The following AGBL3 variants were observed in gnomAD, a reference collection of about 807,000 sequenced individuals.
The protein encoded by AGBL3 is cytosolic carboxypeptidase 3.
In AGBL3, 68 loss-of-function variants were observed where a neutral mutation model predicts 94.5. The ratio of observed to expected loss-of-function variants is 0.72; its 90% CI spans 0.59 to 0.88. AGBL3 has a LOEUF of 0.88. Among genes scored for constraint, AGBL3 ranks in the 40% least tolerant of loss-of-function variants. AGBL3 has a pLI of 0.00. For synonymous variants in AGBL3, 354 were observed against 370.7 expected (o/e 0.95, Z 0.52); for missense variants, 934 against 1,103.8 (o/e 0.85, Z 2.18).
At chr7:135,027,496 A>G (rs1815278502) in intron 5 of AGBL3, among the ~76,000 whole-genome samples, 1 of 151,564 alleles carries the variant, frequency 6.6e-6, no homozygotes, top group Admixed American at 6.6e-5. Flanking sequence ...TGTAGATCTG[A>G]ATTTCCATCT....
intron 16 of AGBL3, among the ~76,000 whole-genome samples, chr7:135,122,966 A>G (rs913176979): frequency 6.6e-6 from 1 of 152,112 alleles, no homozygotes; most frequent in Admixed American, 6.5e-5. Flanking sequence ...CTGAAAACCC[A>G]AAAGGCCAGA....
chr7:135,132,865 T>G (rs559624183), intron 16 of AGBL3, among the ~76,000 whole-genome samples: 1 of 152,316 alleles, frequency 6.6e-6, no homozygotes, highest in South Asian at 2.1e-4. Context: ...GGGTATGTTT[T>G]TATTAGCAGC....
chr7:135,059,806 A>C (rs1300624807), intron 12 of AGBL3, among the ~76,000 whole-genome samples: 1 of 152,224 alleles, frequency 6.6e-6, no homozygotes, highest in African/African-American at 2.4e-5. Context: ...GTGAAAGATA[A>C]ATACTTAAGT....
chr7:135,053,876 A>T (rs991077416), intron 11 of AGBL3, among the ~76,000 whole-genome samples: 10 of 152,358 alleles, frequency 6.6e-5, no homozygotes, highest in African/African-American at 2.4e-4. Context: ...AAGAATAAGT[A>T]TATATTAAAT....
At chr7:135,033,053 G>A in intron 6 of AGBL3, 71 bp downstream of exon 6, 1 of 1,381,216 alleles carries the variant, frequency 7.2e-7, no homozygotes, top group East Asian at 2.6e-5. Context: ...GTACATTAAA[G>A]TTCTTAGTAT....
At chr7:135,004,198 T>C (rs1239118409) in intron 4 of AGBL3, among the ~76,000 whole-genome samples, 3 of 151,744 alleles carry the variant, frequency 2.0e-5, no homozygotes, top group African/African-American at 7.2e-5. Flanking sequence ...AGAGGGATTA[T>C]GATATTCTTC....
chr7:135,010,022 C>CT (rs34139471), intron 4 of AGBL3: 19,311 of 381,116 alleles, frequency 0.051, 182 homozygotes, highest in African/African-American at 0.1. Flanking sequence ...GAGGATGACA[C>CT]TTTTTTTTTT....
intron 16 of AGBL3, among the ~76,000 whole-genome samples, chr7:135,122,724 C>T (rs1453656589): frequency 3.3e-5 from 5 of 152,126 alleles, no homozygotes; most frequent in Non-Finnish European, 5.9e-5. Flanking sequence ...TGAGTGACAT[C>T]TCCAGGCCCA....
chr7:135,129,187 T>C (rs1585285827), intron 16 of AGBL3: 3 of 1,425,786 alleles, frequency 2.1e-6, no homozygotes, highest in Non-Finnish European at 3.0e-6. Flanking sequence ...GCAGATGTGG[T>C]GTACTGCCCC....
chr7:135,048,747 A>G (rs1373266457), intron 11 of AGBL3, among the ~76,000 whole-genome samples: 1 of 120,078 alleles, frequency 8.3e-6, no homozygotes, highest in Non-Finnish European at 1.8e-5. Flanking sequence ...ATTAGTTCTC[A>G]CAGTTGTTTT....
chr7:135,102,077 T>G (rs1421102419), intron 15 of AGBL3, among the ~76,000 whole-genome samples: 2 of 152,324 alleles, frequency 1.3e-5, no homozygotes, highest in East Asian at 3.9e-4. Flanking sequence ...ATTAAACCTC[T>G]TTTCCTTTAT....
intron 1 of AGBL3, 78 bp downstream of exon 1, chr7:134,986,779 T>A (rs1383451923): frequency 2.6e-5 from 4 of 152,236 alleles, no homozygotes; most frequent in African/African-American, 9.6e-5. Context: ...CACACCAAGG[T>A]GTCCAGGAGT....
chr7:135,017,243 T>C, intron 5 of AGBL3, 84 bp downstream of exon 5: 3 of 1,036,314 alleles, frequency 2.9e-6, no homozygotes, highest in African/African-American at 1.6e-5. Context: ...TTGCTGTTTG[T>C]AGTGGAAATT....
intron 12 of AGBL3, among the ~76,000 whole-genome samples, chr7:135,062,694 T>G (rs968221774): frequency 2.6e-5 from 4 of 152,178 alleles, no homozygotes; most frequent in Non-Finnish European, 4.4e-5. Flanking sequence ...GAACCATCCC[T>G]GTATTCCTGG....
At chr7:135,078,648 C>T (rs2116840435) in intron 13 of AGBL3, among the ~76,000 whole-genome samples, 1 of 152,102 alleles carries the variant, frequency 6.6e-6, no homozygotes, top group Admixed American at 6.5e-5. Flanking sequence ...CATGTATTTG[C>T]GTCTTTCTTG....
chr7:134,999,455 A>G (rs1811436845), intron 4 of AGBL3, among the ~76,000 whole-genome samples: 1 of 152,214 alleles, frequency 6.6e-6, no homozygotes, highest in Admixed American at 6.5e-5. Context: ...AAATATGCCA[A>G]CAATCAGCCC....
intron 6 of AGBL3, among the ~76,000 whole-genome samples, chr7:135,033,771 TA>T (rs1816017582): frequency 6.6e-6 from 1 of 152,188 alleles, no homozygotes; most frequent in Admixed American, 6.5e-5. Flanking sequence ...TAGACTGTAA[TA>T]GATACATATG....
chr7:135,128,418 T>C, intron 16 of AGBL3: 1 of 656,410 alleles, frequency 1.5e-6, no homozygotes, highest in Non-Finnish European at 2.8e-6. Flanking sequence ...CATGGTCATC[T>C]TGGTTTTGTT....
At chr7:135,132,426 T>C (rs1828893307) in intron 16 of AGBL3, among the ~76,000 whole-genome samples, 1 of 152,178 alleles carries the variant, frequency 6.6e-6, no homozygotes, top group Non-Finnish European at 1.5e-5. Flanking sequence ...CAAGATCCTA[T>C]TAATTGGCAC....
Sources: gnomAD v4.1 joint callset for allele counts (sites outside exome capture counted in the v4.1 genomes callset) on GRCh38, gnomAD v4.1.1 for gene constraint, MANE v1.5 for transcripts, NCBI Gene and HGNC (gene_info 2026-07-23, HGNC 2026-07-21) for gene names.